Variants in TBCK observed in about 807,000 individuals in gnomAD.
The protein encoded by TBCK is TBC1 domain containing kinase, also known as TBC domain-containing protein kinase-like protein.
A neutral mutation model predicts 113.4 loss-of-function variants in TBCK; 99 were observed. The observed-to-expected ratio is 0.87, with a 90% CI of 0.74 to 1.03. The LOEUF is 1.03. TBCK is among the 50% of genes least tolerant of loss of function. The probability of loss-of-function intolerance (pLI) is 0.00; values close to 1 mark genes in which losing one functional copy is unlikely to be tolerated. For synonymous variants in TBCK, 369 were observed against 370.8 expected (o/e 1.00, Z 0.05); for missense variants, 1,045 against 1,061.3 (o/e 0.98, Z 0.21).
intron 3 of TBCK, among the ~76,000 whole-genome samples, chr4:106,272,954 T>C (rs763994661): frequency 2.6e-5 from 4 of 152,192 alleles, no homozygotes; most frequent in Non-Finnish European, 5.9e-5. Context: ...GTAGGTCCCA[T>C]TGAATAACCT....
intron 25 of TBCK, among the ~76,000 whole-genome samples, chr4:106,089,890 G>T (rs1420935991): frequency 5.3e-5 from 8 of 152,220 alleles, no homozygotes; most frequent in African/African-American, 1.9e-4. Context: ...TGCTGTCACA[G>T]GTTGGAGTTG....
At chr4:106,201,941 T>C (rs1388895266) in intron 20 of TBCK, among the ~76,000 whole-genome samples, 1 of 152,074 alleles carries the variant, frequency 6.6e-6, no homozygotes, top group Non-Finnish European at 1.5e-5. Context: ...AGGAAACATA[T>C]ATACAGACAT....
At position 106,130,997 on chromosome 4, in the gene TBCK, T is replaced by TC. The variant is rs554335348; in HGVS notation, c.2236-14620dup. On this transcript the variant is annotated intron_variant, in intron 23 of 25. Coordinates refer to ENST00000394708, the MANE Select transcript of TBCK (RefSeq NM_001163435.3). ...TTCAGATTGATATGGACTAGCTGGG[T>TC]CCCCCCCAAATCTCACCTTGAACTG... is the stretch of plus-strand genomic sequence containing the variant. 1.2e-3 allele frequency among the ~76,000 whole-genome samples: 184 copies of TC among 151,982 alleles called. 1 individual carries two copies. Among genetic ancestry groups the TC allele is most frequent in the African/African-American group, 4.1e-3 (170 of 41,474 alleles).
At chr4:106,220,505 T>TA (rs1367136805) in intron 19 of TBCK, among the ~76,000 whole-genome samples, 1 of 152,020 alleles carries the variant, frequency 6.6e-6, no homozygotes, top group African/African-American at 2.4e-5. Flanking sequence ...ACATGTCACA[T>TA]ATCCTACACA....
intron 23 of TBCK, among the ~76,000 whole-genome samples, chr4:106,166,433 T>C (rs1008205007): frequency 6.6e-6 from 1 of 151,786 alleles, no homozygotes; most frequent in Non-Finnish European, 1.5e-5. Context: ...AATGATTAAA[T>C]AGCAGACAGG....
In TBCK at chr4:106,248,939, A is replaced by G; in HGVS notation, c.702T>C (p.Gly234=). The G allele has an allele frequency of 6.2e-7, 1 of 1,608,664 alleles. No individual in the cohort carries two copies. The highest frequency in any genetic ancestry group is 8.5e-7 in the Non-Finnish European group (1 of 1,178,306). Residue 234 remains glycine (G), a synonymous_variant, in exon 8 of 26, where the codon GGT becomes GGC. Transcript: ENST00000394708. The stretch of plus-strand genomic sequence containing the variant: ...GACAAACCTTTATAATGTCCAAACA[A>G]CCATGCTCTTCAGCCAGAACTATTA... The part of the protein sequence containing the change: ...DTLIVLAEEH[G]CLDIIKELPE...
At chr4:106,155,695 T>C (rs938792330) in intron 23 of TBCK, among the ~76,000 whole-genome samples, 70 of 152,144 alleles carry the variant, frequency 4.6e-4, no homozygotes, top group African/African-American at 1.6e-3. Context: ...AGTATGCCAA[T>C]TGCACTTTTT....
intron 25 of TBCK, among the ~76,000 whole-genome samples, chr4:106,047,219 A>G (rs930383233): frequency 3.9e-5 from 6 of 152,216 alleles, no homozygotes; most frequent in Non-Finnish European, 7.3e-5. Flanking sequence ...TTTGAAGGAC[A>G]GATCCAGGAA....
At chr4:106,167,738 T>C (rs1332856984) in intron 23 of TBCK, among the ~76,000 whole-genome samples, 1 of 151,782 alleles carries the variant, frequency 6.6e-6, no homozygotes, top group Non-Finnish European at 1.5e-5. Flanking sequence ...TGAACCATTC[T>C]ATGCCCATAA....
chr4:106,285,570 T>G (rs557715168), intron 3 of TBCK, among the ~76,000 whole-genome samples: 1 of 152,172 alleles, frequency 6.6e-6, no homozygotes, highest in African/African-American at 2.4e-5. Flanking sequence ...ATTTAAAATT[T>G]AAATTTAAAT....
intron 22 of TBCK, among the ~76,000 whole-genome samples, chr4:106,185,850 A>T (rs1331598854): frequency 6.6e-6 from 1 of 152,092 alleles, no homozygotes; most frequent in Non-Finnish European, 1.5e-5. Context: ...CATAGAACCC[A>T]ATAGGTATTT....
chr4:106,194,647 A>T, intron 21 of TBCK, 71 bp downstream of exon 21: 1 of 1,172,682 alleles, frequency 8.5e-7, no homozygotes, highest in Non-Finnish European at 1.2e-6. Context: ...TGTAAATATA[A>T]AATATGGGGA....
At chr4:106,142,004 C>A (rs1277799034) in intron 23 of TBCK, among the ~76,000 whole-genome samples, 1 of 141,178 alleles carries the variant, frequency 7.1e-6, no homozygotes, top group African/African-American at 2.5e-5. Context: ...TAGCAAAATA[C>A]ATGTGGGAAT....
intron 3 of TBCK, among the ~76,000 whole-genome samples, chr4:106,273,059 G>T (rs935586803): frequency 6.6e-6 from 1 of 151,962 alleles, no homozygotes. Flanking sequence ...CCTTTAATAG[G>T]TCTATCCACC....
chr4:106,253,972 T>C (rs1185454839), intron 5 of TBCK, among the ~76,000 whole-genome samples: 1 of 152,298 alleles, frequency 6.6e-6, no homozygotes, highest in South Asian at 2.1e-4. Flanking sequence ...TTCCTTATGC[T>C]CTCTCCCTCC....
intron 10 of TBCK, among the ~76,000 whole-genome samples, chr4:106,246,291 A>T (rs1760806429): frequency 6.6e-6 from 1 of 152,172 alleles, no homozygotes. Context: ...CAGGAACTCA[A>T]TAAATGTTTA....
intron 9 of TBCK, 163 bp downstream of exon 9, chr4:106,248,082 C>CA (rs1373495474): frequency 2.4e-6 from 1 of 424,364 alleles, no homozygotes; most frequent in African/African-American, 2.1e-5. Flanking sequence ...CATTAATTCA[C>CA]AAAAAATGAA....
chr4:106,233,347 T>C (rs1282864745), intron 16 of TBCK, among the ~76,000 whole-genome samples: 1 of 152,040 alleles, frequency 6.6e-6, no homozygotes, highest in Non-Finnish European at 1.5e-5. Flanking sequence ...CTGGTCCAAA[T>C]GAAGGGCAAA....
intron 23 of TBCK, 85 bp downstream of exon 23, chr4:106,171,010 T>C: frequency 9.5e-6 from 10 of 1,050,894 alleles, no homozygotes; most frequent in Non-Finnish European, 1.3e-5. Flanking sequence ...AATGACACCA[T>C]TAAGAACAAT....
Sources: allele counts gnomAD v4.1 joint callset (sites outside exome capture counted in the v4.1 genomes callset), GRCh38; gene constraint gnomAD v4.1.1; transcripts MANE v1.5; gene names NCBI Gene and HGNC (gene_info 2026-07-23, HGNC 2026-07-21).